Variants in PPP2R3A observed in about 807,000 individuals in gnomAD.
PPP2R3A encodes serine/threonine-protein phosphatase 2A regulatory subunit B'' subunit alpha.
Under a neutral mutation model 106.9 loss-of-function variants are expected in PPP2R3A, and 80 were observed. The ratio of observed to expected loss-of-function variants is 0.75; its 90% CI spans 0.62 to 0.90. The LOEUF is 0.90. Ranked by LOEUF, PPP2R3A falls within the 40% of genes least tolerant of loss-of-function variation. The probability of loss-of-function intolerance (pLI) is 0.00; values close to 1 mark genes in which losing one functional copy is unlikely to be tolerated. For synonymous variants in PPP2R3A, 483 were observed against 468.3 expected, an observed-to-expected ratio of 1.03 and a Z score of -0.41; for missense variants, 1,386 against 1,350.4, an observed-to-expected ratio of 1.03 and a Z score of -0.41.
intron 3 of PPP2R3A, among the ~76,000 whole-genome samples, chr3:136,031,558 T>G (rs946348737): frequency 1.3e-5 from 2 of 152,254 alleles, no homozygotes; most frequent in African/African-American, 4.8e-5. Flanking sequence ...TTTTGGGTTC[T>G]TGGTCATGAA....
chr3:136,083,038 A>G (rs1936829215), intron 8 of PPP2R3A, among the ~76,000 whole-genome samples: 1 of 152,148 alleles, frequency 6.6e-6, no homozygotes, highest in South Asian at 2.1e-4. Flanking sequence ...TTTTTGAGAC[A>G]GCGTCTCACT....
chr3:136,098,500 AG>A (rs1937273009), intron 10 of PPP2R3A, among the ~76,000 whole-genome samples: 1 of 152,174 alleles, frequency 6.6e-6, no homozygotes, highest in Admixed American at 6.5e-5. Context: ...TAACCATTAA[AG>A]GTGTGGTTCT....
intron 13 of PPP2R3A, among the ~76,000 whole-genome samples, chr3:136,137,649 C>T (rs1162353630): frequency 6.7e-6 from 1 of 149,476 alleles, no homozygotes; most frequent in Admixed American, 6.7e-5. Context: ...TCAGGCCATT[C>T]TCCTGGCTCA....
intron 3 of PPP2R3A, among the ~76,000 whole-genome samples, chr3:136,039,009 G>C (rs1935171126): frequency 6.6e-6 from 1 of 152,092 alleles, no homozygotes; most frequent in Non-Finnish European, 1.5e-5. Flanking sequence ...TCTTATTTCT[G>C]CCCTGTCCTT....
intron 12 of PPP2R3A, 127 bp downstream of exon 12, chr3:136,103,503 G>A: frequency 1.5e-6 from 1 of 670,398 alleles, no homozygotes; most frequent in Non-Finnish European, 2.5e-6. Flanking sequence ...TTTCATTAAA[G>A]ACTAAAAAGA....
chr3:136,128,900 A>G (rs1938291461), intron 13 of PPP2R3A, among the ~76,000 whole-genome samples: 1 of 152,168 alleles, frequency 6.6e-6, no homozygotes, highest in African/African-American at 2.4e-5. Context: ...AAACTAAACA[A>G]CCTGCTCCTG....
intron 1 of PPP2R3A, among the ~76,000 whole-genome samples, chr3:135,970,833 C>T (rs1026629483): frequency 7.9e-5 from 12 of 152,248 alleles, no homozygotes; most frequent in African/African-American, 2.4e-4. Context: ...CCCTCTCCCA[C>T]GTTCTTAGGG....
chr3:136,073,818 G>A (rs918039655), intron 6 of PPP2R3A, among the ~76,000 whole-genome samples: 2 of 152,202 alleles, frequency 1.3e-5, no homozygotes, highest in African/African-American at 4.8e-5. Context: ...CATTGAAACT[G>A]TTGCATTATT....
At chr3:136,054,253 C>CTTTTTT (rs35801926) in intron 5 of PPP2R3A, among the ~76,000 whole-genome samples, 378 of 80,674 alleles carry the variant, frequency 4.7e-3, no homozygotes, top group Middle Eastern at 0.01. Context: ...CTTCACAATT[C>CTTTTTT]TTTTTTTTTT....
chr3:136,109,198 C>T (rs1295727229), intron 13 of PPP2R3A, among the ~76,000 whole-genome samples: 3 of 152,120 alleles, frequency 2.0e-5, no homozygotes, highest in Non-Finnish European at 4.4e-5. Flanking sequence ...TCAACAGATG[C>T]TCTCAAAAGC....
chr3:136,141,065 T>C (rs774895057), intron 13 of PPP2R3A, among the ~76,000 whole-genome samples: 1 of 152,218 alleles, frequency 6.6e-6, no homozygotes, highest in Non-Finnish European at 1.5e-5. Flanking sequence ...TGCCAATCAC[T>C]GTACTATAGC....
intron 7 of PPP2R3A, among the ~76,000 whole-genome samples, chr3:136,078,881 C>T (rs185938445): frequency 6.6e-6 from 1 of 152,266 alleles, no homozygotes; most frequent in Non-Finnish European, 1.5e-5. Flanking sequence ...GAGAAAAGTA[C>T]TAAAAATTCC....
intron 13 of PPP2R3A, among the ~76,000 whole-genome samples, chr3:136,127,527 C>G (rs1306668211): frequency 6.6e-6 from 1 of 152,120 alleles, no homozygotes; most frequent in Admixed American, 6.5e-5. Flanking sequence ...AAAACCAAAT[C>G]GACATCTGAT....
chr3:135,973,362 TTCA>T (rs2107748400), intron 1 of PPP2R3A, among the ~76,000 whole-genome samples: 1 of 152,312 alleles, frequency 6.6e-6, no homozygotes, highest in African/African-American at 2.4e-5. Context: ...ACATAGAGCT[TTCA>T]TTTGGTCAAG....
chr3:136,066,855 C>G (rs1936275055), intron 5 of PPP2R3A, among the ~76,000 whole-genome samples: 1 of 152,074 alleles, frequency 6.6e-6, no homozygotes, highest in Non-Finnish European at 1.5e-5. Context: ...TAAGATTTGC[C>G]AGGGAAATAG....
At chr3:136,139,726 G>C (rs1938779685) in intron 13 of PPP2R3A, among the ~76,000 whole-genome samples, 1 of 149,786 alleles carries the variant, frequency 6.7e-6, no homozygotes, top group African/African-American at 2.5e-5. Flanking sequence ...GTTCTCAGCT[G>C]GGCATGGTGG....
intron 5 of PPP2R3A, among the ~76,000 whole-genome samples, chr3:136,053,099 C>T (rs1157155466): frequency 1.3e-5 from 2 of 152,048 alleles, no homozygotes; most frequent in African/African-American, 4.8e-5. Context: ...TGAAAACAAA[C>T]AAGGAGACAA....
At chr3:136,063,871 G>A (rs1265301712) in intron 5 of PPP2R3A, among the ~76,000 whole-genome samples, 1 of 149,724 alleles carries the variant, frequency 6.7e-6, no homozygotes, top group Non-Finnish European at 1.5e-5. Flanking sequence ...ATTCCTCAGG[G>A]ATCTAGAACT....
intron 1 of PPP2R3A, among the ~76,000 whole-genome samples, chr3:135,979,744 CCATTA>C (rs1274368990): frequency 2.0e-5 from 3 of 151,576 alleles, no homozygotes; most frequent in Admixed American, 6.6e-5. Flanking sequence ...TGGTAAGTAT[CCATTA>C]CATATGATAA....
Sources: allele counts gnomAD v4.1 joint callset (sites outside exome capture counted in the v4.1 genomes callset), GRCh38; gene constraint gnomAD v4.1.1; transcripts MANE v1.5; gene names NCBI Gene and HGNC (gene_info 2026-07-23, HGNC 2026-07-21).